The following DLG2 variants were observed in gnomAD, a reference collection of about 807,000 sequenced individuals.
DLG2 encodes the protein discs large MAGUK scaffold protein 2.
A neutral mutation model predicts 132.5 loss-of-function variants in DLG2; 45 were observed. The observed-to-expected ratio is 0.34, with a 90% confidence interval of 0.27 to 0.44. The LOEUF is 0.44. DLG2 is among the 20% of genes least tolerant of loss of function. The probability of loss-of-function intolerance (pLI) is 1.00; values close to 1 mark genes in which losing one functional copy is unlikely to be tolerated. For synonymous variants in DLG2, 424 were observed against 419.6 expected, an observed-to-expected ratio of 1.01 and a Z score of -0.13; for missense variants, 1,045 against 1,196.9, an observed-to-expected ratio of 0.87 and a Z score of 1.87.
At chr11:84,421,404 C>T (rs2154465138) in intron 7 of DLG2, among the ~76,000 whole-genome samples, 1 of 152,252 alleles carries the variant, frequency 6.6e-6, no homozygotes, top group Non-Finnish European at 1.5e-5. Flanking sequence ...TTCCCCATTG[C>T]AGACCTTCTG....
chr11:83,816,344 T>G (rs548879783), intron 17 of DLG2, among the ~76,000 whole-genome samples: 32 of 152,298 alleles, frequency 2.1e-4, no homozygotes, highest in African/African-American at 7.5e-4. Flanking sequence ...TACAATTAAT[T>G]TTGGAACCTG....
At chr11:85,342,938 T>G (rs994588097) in intron 3 of DLG2, among the ~76,000 whole-genome samples, 1 of 151,692 alleles carries the variant, frequency 6.6e-6, no homozygotes, top group Non-Finnish European at 1.5e-5. Flanking sequence ...AACACATATG[T>G]ATCTAATGCA....
At chr11:83,873,228 C>A (rs2154066067) in intron 16 of DLG2, among the ~76,000 whole-genome samples, 1 of 152,188 alleles carries the variant, frequency 6.6e-6, no homozygotes, top group Middle Eastern at 3.4e-3. Context: ...CTCTGAGAAT[C>A]AGTGTTCAGA....
intron 14 of DLG2, among the ~76,000 whole-genome samples, chr11:83,947,356 A>G (rs1033433676): frequency 4.6e-5 from 7 of 152,204 alleles, no homozygotes; most frequent in African/African-American, 1.7e-4. Flanking sequence ...ACATCAGTAT[A>G]TGTTTTTAAA....
chr11:84,934,053 T>C (rs1256259178), intron 6 of DLG2, among the ~76,000 whole-genome samples: 2 of 152,230 alleles, frequency 1.3e-5, no homozygotes, highest in Admixed American at 1.3e-4. Context: ...ATCTAGTTTA[T>C]TGAGTTTTTA....
At chr11:85,337,584 T>A (rs1379569578) in intron 3 of DLG2, among the ~76,000 whole-genome samples, 1 of 152,204 alleles carries the variant, frequency 6.6e-6, no homozygotes, top group African/African-American at 2.4e-5. Context: ...AAAAATTCCA[T>A]CTCTAAAACT....
Position 83,786,606 on chromosome 11 carries a change from C to G in DLG2, c.1825+84G>C, listed in dbSNP as rs2040002480. ...TTACAAAACACCAATGATGGTGACT[C>G]TAGTTAATAAAAATTATTAGTAATG... On this transcript the variant is annotated intron_variant, in intron 18 of 27. Transcript: ENST00000376104. The G allele has an allele frequency of 4.9e-6, 6 of 1,219,076 alleles. No homozygotes were observed. In the South Asian group the frequency reaches 5.1e-5, roughly 10 times the overall value. 75.5% of individuals were successfully genotyped at this position (1,219,076 alleles called of 1,614,324 possible). A position where few individuals can be genotyped will look rare whatever the true frequency, so the allele number is the denominator to read the frequency against.
intron 3 of DLG2, among the ~76,000 whole-genome samples, chr11:85,545,242 A>G (rs1324912012): frequency 6.6e-6 from 1 of 152,176 alleles, no homozygotes; most frequent in East Asian, 1.9e-4. Context: ...ATCTATTGAG[A>G]CAATCATGTG....
At chr11:84,198,935 G>A (rs2096557956) in intron 8 of DLG2, among the ~76,000 whole-genome samples, 1 of 152,100 alleles carries the variant, frequency 6.6e-6, no homozygotes, top group Admixed American at 6.5e-5. Flanking sequence ...AAGGAGATCT[G>A]CCAATGATCA....
At position 84,222,816 on chromosome 11, in the gene DLG2, C is replaced by G. The variant is rs935919561; in HGVS notation, c.573+28422G>C. ...ACTAATTTACTGACTATTAAAAATC[C>G]TATTAATTGGAAAGATACTAAGAGC... is the stretch of plus-strand genomic sequence containing the variant. On this transcript the variant is annotated intron_variant, in intron 8 of 27. Coordinates refer to ENST00000376104, the MANE Select transcript of DLG2 (RefSeq NM_001142699.3). Among the ~76,000 whole-genome samples the G allele has an allele frequency of 5.3e-5, 8 of 152,190 alleles. No individual in the cohort carries two copies. The East Asian group carries it at 1.5e-3, about 29-fold the overall frequency.
intron 6 of DLG2, among the ~76,000 whole-genome samples, chr11:84,624,244 A>G (rs905632127): frequency 1.3e-5 from 2 of 152,178 alleles, no homozygotes; most frequent in Admixed American, 1.3e-4. Flanking sequence ...CTTTTATACC[A>G]TGCCTATTTC....
intron 4 of DLG2, among the ~76,000 whole-genome samples, chr11:85,237,847 T>C (rs60740467): frequency 0.01 from 1,551 of 152,212 alleles, 20 homozygotes; most frequent in African/African-American, 0.034. Context: ...GTCCAGCCCT[T>C]CTTGTACAAC....
At chr11:84,379,530 A>G (rs2098741980) in intron 7 of DLG2, among the ~76,000 whole-genome samples, 1 of 152,148 alleles carries the variant, frequency 6.6e-6, no homozygotes, top group African/African-American at 2.4e-5. Flanking sequence ...TGAAGTTAAG[A>G]AAAGTGGAGG....
At chr11:85,548,581 G>T (rs1305319734) in intron 3 of DLG2, among the ~76,000 whole-genome samples, 1 of 152,180 alleles carries the variant, frequency 6.6e-6, no homozygotes, top group Non-Finnish European at 1.5e-5. Context: ...TGCTGAAGCT[G>T]TGTCCCCAAC....
chr11:85,477,601 G>A (rs1056898905), intron 3 of DLG2, among the ~76,000 whole-genome samples: 2 of 152,212 alleles, frequency 1.3e-5, no homozygotes, highest in South Asian at 2.1e-4. Flanking sequence ...TTAAATTGCT[G>A]TATGTTCTTT....
At chr11:83,634,560 A>G (rs1344113556) in intron 18 of DLG2, among the ~76,000 whole-genome samples, 1 of 152,182 alleles carries the variant, frequency 6.6e-6, no homozygotes, top group Non-Finnish European at 1.5e-5. Flanking sequence ...TTAATAGAGT[A>G]TATCAGTATA....
At chr11:83,788,535 C>T (rs554770825) in intron 17 of DLG2, among the ~76,000 whole-genome samples, 47 of 152,288 alleles carry the variant, frequency 3.1e-4, no homozygotes, top group African/African-American at 9.4e-4. Flanking sequence ...CAGATCTATT[C>T]TTGAGTTATT....
chr11:84,797,887 C>G (rs1198682914), intron 6 of DLG2, among the ~76,000 whole-genome samples: 1 of 152,142 alleles, frequency 6.6e-6, no homozygotes, highest in East Asian at 1.9e-4. Context: ...GAGACTTGGG[C>G]CCCAATCTCA....
At chr11:85,005,286 G>A (rs1257276021) in intron 6 of DLG2, among the ~76,000 whole-genome samples, 1 of 152,048 alleles carries the variant, frequency 6.6e-6, no homozygotes. Context: ...AGCTTGATGG[G>A]GATAGCATCA....
Sources: gnomAD v4.1 joint callset for allele counts (sites outside exome capture counted in the v4.1 genomes callset) on GRCh38, gnomAD v4.1.1 for gene constraint, MANE v1.5 for transcripts, NCBI Gene and HGNC (gene_info 2026-07-23, HGNC 2026-07-21) for gene names.